Variants in MLLT10 observed in about 807,000 individuals in gnomAD.
MLLT10 encodes the protein protein AF-10.
Under a neutral mutation model 129.1 loss-of-function variants are expected in MLLT10, and 30 were observed. That is an observed-to-expected ratio of 0.23 (90% CI 0.17 to 0.32). The LOEUF (loss-of-function observed/expected upper bound fraction) is 0.32, where lower values mean the gene tolerates loss of function less well. Among genes scored for constraint, MLLT10 ranks in the 10% least tolerant of loss-of-function variants. The pLI, the probability that MLLT10 is intolerant of heterozygous loss-of-function variation, is 1.00. For missense variants in MLLT10, 1,119 were observed against 1,268.3 expected (o/e 0.88, Z 1.79); for synonymous variants, 490 against 446.4 (o/e 1.10, Z -1.23).
intron 3 of MLLT10, among the ~76,000 whole-genome samples, chr10:21,563,025 G>A (rs1414061216): frequency 6.6e-6 from 1 of 151,722 alleles, no homozygotes; most frequent in Non-Finnish European, 1.5e-5. Flanking sequence ...CTCCATGTTG[G>A]TCAGGCTGGT....
chr10:21,687,273 A>G (rs1229369492), intron 13 of MLLT10, among the ~76,000 whole-genome samples: 3 of 152,214 alleles, frequency 2.0e-5, no homozygotes, highest in Non-Finnish European at 4.4e-5. Flanking sequence ...GGCTTGTCAG[A>G]CTAGTTTATA....
intron 9 of MLLT10, chr10:21,669,138 T>A (rs1458913192): frequency 1.7e-6 from 2 of 1,186,676 alleles, no homozygotes; most frequent in Non-Finnish European, 2.2e-6. Flanking sequence ...TTTGAAACGT[T>A]TGTTCTTGTT....
At chr10:21,588,012 CTTAAT>C (rs1188670161) in intron 4 of MLLT10, among the ~76,000 whole-genome samples, 1 of 152,192 alleles carries the variant, frequency 6.6e-6, no homozygotes, top group East Asian at 1.9e-4. Flanking sequence ...TCTTCTGCCT[CTTAAT>C]TTATTTCACT....
intron 8 of MLLT10, chr10:21,626,279 A>G (rs1019286630): frequency 4.2e-6 from 6 of 1,424,488 alleles, no homozygotes; most frequent in Admixed American, 1.7e-5. Context: ...GATACAAGCT[A>G]TCAATCCAGG....
chr10:21,649,309 T>C (rs1185881492), intron 8 of MLLT10, among the ~76,000 whole-genome samples: 2 of 152,196 alleles, frequency 1.3e-5, no homozygotes, highest in Non-Finnish European at 2.9e-5. Context: ...ACTCCTTGGC[T>C]TAAGTGATCC....
At chr10:21,637,083 T>C in intron 8 of MLLT10, among the ~76,000 whole-genome samples, 1 of 152,242 alleles carries the variant, frequency 6.6e-6, no homozygotes, top group East Asian at 1.9e-4. Flanking sequence ...AGCCATGTCA[T>C]TGGGGCATCA....
intron 4 of MLLT10, among the ~76,000 whole-genome samples, chr10:21,593,129 C>CT (rs2042675770): frequency 6.7e-6 from 1 of 149,166 alleles, no homozygotes; most frequent in African/African-American, 2.5e-5. Context: ...GATAGGGTCT[C>CT]TATCACCCAG....
intron 5 of MLLT10, among the ~76,000 whole-genome samples, chr10:21,600,000 C>G (rs1188921033): frequency 2.0e-5 from 3 of 152,128 alleles, no homozygotes; most frequent in Admixed American, 6.5e-5. Flanking sequence ...AGATATGTGC[C>G]CAACTTTCCC....
At chr10:21,630,658 T>C (rs747680196) in intron 8 of MLLT10, among the ~76,000 whole-genome samples, 4 of 152,226 alleles carry the variant, frequency 2.6e-5, no homozygotes, top group Non-Finnish European at 5.9e-5. Context: ...CTTAGGCAAA[T>C]GCTAACAGTC....
chr10:21,726,477 AAAAAAAT>A (rs1468515129), intron 15 of MLLT10, 122 bp downstream of exon 15: 17 of 573,356 alleles, frequency 3.0e-5, no homozygotes, highest in East Asian at 5.8e-5. Context: ...TTTGTACTTT[AAAAAAAT>A]ATTCACAGTT....
At chr10:21,700,169 C>T (rs1352289048) in intron 13 of MLLT10, among the ~76,000 whole-genome samples, 15 of 144,164 alleles carry the variant, frequency 1.0e-4, no homozygotes, top group Admixed American at 3.5e-4. Context: ...TCTTTTTTTG[C>T]TATTTCATTA....
At chr10:21,582,989 C>T (rs1170164776) in intron 3 of MLLT10, among the ~76,000 whole-genome samples, 4 of 151,956 alleles carry the variant, frequency 2.6e-5, no homozygotes, top group Non-Finnish European at 5.9e-5. Context: ...GGCAACATGA[C>T]GAAACCCTAT....
intron 14 of MLLT10, among the ~76,000 whole-genome samples, chr10:21,714,996 A>G (rs1352617673): frequency 6.6e-6 from 1 of 151,978 alleles, no homozygotes; most frequent in African/African-American, 2.4e-5. Flanking sequence ...GAAATTATGT[A>G]TGATTTTATT....
intron 13 of MLLT10, among the ~76,000 whole-genome samples, chr10:21,695,061 C>CTTTTTTTTTTTTTTTTTTTTTTTTT (rs71393922): frequency 9.6e-6 from 1 of 104,034 alleles, no homozygotes; most frequent in Non-Finnish European, 1.9e-5. Context: ...TTTCTACCTT[C>CTTTTTTTTTTTTTTTTTTTTTTTTT]TTTTTTTTTT....
At chr10:21,683,801 C>T (rs894162265) in intron 13 of MLLT10, among the ~76,000 whole-genome samples, 3 of 151,428 alleles carry the variant, frequency 2.0e-5, no homozygotes, top group African/African-American at 7.3e-5. Context: ...GGTTGGAGTG[C>T]AGTGGCGTGA....
Position 21,633,622 on chromosome 10 carries a change from G to A in MLLT10, c.699+16415G>A, listed in dbSNP as rs77895799. Among the ~76,000 whole-genome samples, 227 of 152,258 alleles carry A rather than the reference G, an allele frequency of 1.5e-3. 1 individual carries two copies. The highest frequency in any genetic ancestry group is 2.5e-3 in the South Asian group (12 of 4,824). On this transcript the variant is annotated intron_variant, in intron 8 of 22. Coordinates refer to ENST00000307729, the MANE Select transcript of MLLT10 (RefSeq NM_001195626.3). ...AGGTGGGAGGATTGCTTGAGCCCAGGAAGTCGAGGCCACAAAAGCTGAGAT... is the reference window on the plus strand; with the variant it reads ...AGGTGGGAGGATTGCTTGAGCCCAGAAAGTCGAGGCCACAAAAGCTGAGAT...
At position 21,534,523 on chromosome 10, in the gene MLLT10, G is replaced by C. The variant is rs2033432482; in HGVS notation, c.-1+3G>C. The C allele has an allele frequency of 9.1e-7, 1 of 1,098,180 alleles. No homozygotes were observed. The allele number at this position is 1,098,180 out of a possible 1,614,324, so 68.0% of individuals were successfully genotyped here. ...AGTGACTGAGCGGCAAAGCCCGAGT[G>C]AGCGAGCGGTGGGCTGCCGGGCCGG... On this transcript the variant is annotated splice_donor_region_variant and intron_variant, in intron 1 of 22. Transcript: ENST00000307729.
chr10:21,587,786 T>A (rs2042130042), intron 4 of MLLT10, among the ~76,000 whole-genome samples: 1 of 152,192 alleles, frequency 6.6e-6, no homozygotes, highest in Non-Finnish European at 1.5e-5. Context: ...ATCTTCAGAC[T>A]ATGTTATACA....
intron 3 of MLLT10, among the ~76,000 whole-genome samples, chr10:21,551,427 C>G (rs575818606): frequency 6.8e-6 from 1 of 148,010 alleles, no homozygotes; most frequent in South Asian, 2.1e-4. Context: ...TTACTGCTGA[C>G]TCATAATCTA....
Sources: gnomAD v4.1 joint callset for allele counts (sites outside exome capture counted in the v4.1 genomes callset) on GRCh38, gnomAD v4.1.1 for gene constraint, MANE v1.5 for transcripts, NCBI Gene and HGNC (gene_info 2026-07-23, HGNC 2026-07-21) for gene names.